The following BTNL8 variants were observed in gnomAD, a reference collection of about 807,000 sequenced individuals.
BTNL8 encodes the protein butyrophilin like 8.
BTNL8 carries 22 observed loss-of-function variants against 36.1 expected under a neutral mutation model. The ratio of observed to expected loss-of-function variants is 0.61; its 90% confidence interval spans 0.44 to 0.87. The LOEUF is 0.87. BTNL8 is among the 40% of genes least tolerant of loss of function. BTNL8 has a pLI of 0.00. For missense variants in BTNL8, 526 were observed against 616.9 expected (o/e 0.85, Z 1.56); for synonymous variants, 203 against 235.6 (o/e 0.86, Z 1.27).
At chr5:180,902,288 G>A (rs906939306) in intron 1 of BTNL8, 1 of 1,463,482 alleles carries the variant, frequency 6.8e-7, no homozygotes, top group Admixed American at 2.0e-5. Context: ...TTTTTCCTCT[G>A]GATAACATGG....
chr5:180,929,022 GACC>G (rs1758239817), intron 3 of BTNL8, among the ~76,000 whole-genome samples: 1 of 151,944 alleles, frequency 6.6e-6, no homozygotes, highest in Non-Finnish European at 1.5e-5. Context: ...TTCTTCTCAG[GACC>G]ACATCACACT....
chr5:180,901,282 T>C (rs145636963), intron 1 of BTNL8, among the ~76,000 whole-genome samples: 112 of 152,308 alleles, frequency 7.4e-4, no homozygotes, highest in African/African-American at 2.6e-3. Flanking sequence ...TTCCCTCTGA[T>C]GCACATGCAG....
intron 3 of BTNL8, among the ~76,000 whole-genome samples, chr5:180,929,957 T>A (rs1758291413): frequency 6.6e-6 from 1 of 152,098 alleles, no homozygotes; most frequent in African/African-American, 2.4e-5. Flanking sequence ...CTTCCCTAAC[T>A]CATTTTATGA....
intron 1 of BTNL8, among the ~76,000 whole-genome samples, chr5:180,907,222 CT>C (rs1320462488): frequency 1.6e-5 from 2 of 121,478 alleles, no homozygotes; most frequent in African/African-American, 4.3e-5. Flanking sequence ...TTGCTCATTT[CT>C]TTTTATTCTT....
chr5:180,925,200 G>A (rs559894617), intron 3 of BTNL8, among the ~76,000 whole-genome samples: 1 of 152,150 alleles, frequency 6.6e-6, no homozygotes, highest in Non-Finnish European at 1.5e-5. Context: ...AGTTTCAGAA[G>A]GAGATGAGAG....
chr5:180,929,736 C>T (rs571785029), intron 3 of BTNL8, among the ~76,000 whole-genome samples: 1 of 152,260 alleles, frequency 6.6e-6, no homozygotes, highest in African/African-American at 2.4e-5. Context: ...AATTCCTGGA[C>T]ACATACACCC....
In BTNL8 at chr5:180,911,455, G is replaced by A. The variant is rs1385843482; in HGVS notation, c.514G>A (p.Gly172Arg). 5.6e-6 allele frequency: 9 copies of A among 1,614,098 alleles called. No individual in the cohort carries two copies. The highest frequency in any genetic ancestry group is 6.8e-6 in the Non-Finnish European group (8 of 1,180,038). The change falls in exon 3 of 8, where the codon GGA (glycine) becomes AGA (arginine). Residue 172 changes from glycine (G) to arginine (R), a missense_variant. Transcript: ENST00000340184. Reference sequence around the variant, plus strand: ...CACAGCGAAGTGGAAAGGTCCACAAGGACAGGATTTGTCCACAGACTCCAG... The same window carrying A: ...CACAGCGAAGTGGAAAGGTCCACAAAGACAGGATTTGTCCACAGACTCCAG... ...RPTAKWKGPQGQDLSTDSRTN... is the reference protein window; with the variant it reads ...RPTAKWKGPQRQDLSTDSRTN...
chr5:180,901,009 C>T, intron 1 of BTNL8, among the ~76,000 whole-genome samples: 1 of 152,298 alleles, frequency 6.6e-6, no homozygotes, highest in Middle Eastern at 3.4e-3. Context: ...AGGGACGGAG[C>T]TGTCAGCAGG....
intron 4 of BTNL8, 46 bp downstream of exon 4, chr5:180,947,671 C>G: frequency 6.2e-7 from 1 of 1,614,162 alleles, no homozygotes; most frequent in Non-Finnish European, 8.5e-7. Context: ...TTCATGGTTC[C>G]AGCAGGGACA....
intron 1 of BTNL8, among the ~76,000 whole-genome samples, chr5:180,908,340 A>G (rs1037451197): frequency 1.3e-5 from 2 of 152,154 alleles, no homozygotes; most frequent in East Asian, 1.9e-4. Flanking sequence ...GCGCTTCCCG[A>G]GTGAGGCAAT....
At chr5:180,934,961 A>C (rs1758576657) in intron 3 of BTNL8, among the ~76,000 whole-genome samples, 1 of 151,858 alleles carries the variant, frequency 6.6e-6, no homozygotes. Context: ...GGCAGTGAGG[A>C]GCTTTATTGA....
At chr5:180,916,745 C>T (rs995133702) in intron 3 of BTNL8, among the ~76,000 whole-genome samples, 4 of 152,180 alleles carry the variant, frequency 2.6e-5, no homozygotes, top group Admixed American at 1.3e-4. Flanking sequence ...CCACAAACCA[C>T]GTACAGTACC....
At position 180,911,528 on chromosome 5, in the gene BTNL8, C is replaced by T. The variant is rs1242164223; in HGVS notation, c.587C>T (p.Thr196Ile). The change falls in exon 3 of 8, where the codon ACC becomes ATC. Residue 196 changes from threonine to isoleucine, a missense_variant. Thr to Ile is a moderately conservative substitution (Grantham distance 89, BLOSUM62 -1). This residue lies in a region of BTNL8 where 350 missense variants were observed against 324.6 expected (regional missense o/e 1.08). Coordinates refer to ENST00000340184, the MANE Select transcript of BTNL8 (RefSeq NM_001040462.3). ...HGLFDVEISLTVQENAGSISC... is the reference protein window; with the variant it reads ...HGLFDVEISLIVQENAGSISC... ...CTGTTTGATGTGGAGATCTCTCTGA[C>T]CGTCCAAGAGAACGCCGGGAGCATA... 4 of 1,613,138 alleles carry T rather than the reference C, an allele frequency of 2.5e-6. No homozygotes were observed. The highest frequency in any genetic ancestry group is 3.4e-6 in the Non-Finnish European group (4 of 1,179,770).
At chr5:180,907,925 TGTCA>T (rs1385419758) in intron 1 of BTNL8, among the ~76,000 whole-genome samples, 1 of 152,000 alleles carries the variant, frequency 6.6e-6, no homozygotes, top group African/African-American at 2.4e-5. Context: ...TCTTCAAAGC[TGTCA>T]GACAGGGACA....
At chr5:180,915,574 C>A (rs1481393739) in intron 3 of BTNL8, among the ~76,000 whole-genome samples, 1 of 152,176 alleles carries the variant, frequency 6.6e-6, no homozygotes, top group Non-Finnish European at 1.5e-5. Flanking sequence ...TCTAGCCAGG[C>A]TGACTGGTCA....
intron 1 of BTNL8, among the ~76,000 whole-genome samples, chr5:180,906,473 T>C (rs1561926794): frequency 8.0e-6 from 1 of 124,506 alleles, no homozygotes; most frequent in Non-Finnish European, 1.6e-5. Flanking sequence ...TGACTCTTTA[T>C]CCAATTTGCC....
chr5:180,938,396 A>C (rs776418080), intron 3 of BTNL8, among the ~76,000 whole-genome samples: 1 of 152,234 alleles, frequency 6.6e-6, no homozygotes, highest in African/African-American at 2.4e-5. Context: ...GGTCCTCTAC[A>C]TGGCACATTT....
chr5:180,913,473 C>T (rs916721254), intron 3 of BTNL8, among the ~76,000 whole-genome samples: 21 of 152,276 alleles, frequency 1.4e-4, no homozygotes, highest in African/African-American at 5.1e-4. Context: ...TACTACACTC[C>T]AAAAGAGCTA....
intron 3 of BTNL8, among the ~76,000 whole-genome samples, chr5:180,941,912 C>CTTTTTTTTTTTTTTTTTTT (rs1554145496): frequency 4.1e-3 from 593 of 144,468 alleles, no homozygotes; most frequent in African/African-American, 4.7e-3. Flanking sequence ...TTTTACTACT[C>CTTTTTTTTTTTTTTTTTTT]TTATTCAACA....
Sources: gnomAD v4.1 joint callset for allele counts (sites outside exome capture counted in the v4.1 genomes callset) on GRCh38, gnomAD v4.1.1 for gene constraint, gnomAD v4.1.1 regional missense constraint, MANE v1.5 for transcripts, NCBI Gene and HGNC (gene_info 2026-07-23, HGNC 2026-07-21) for gene names.